Variants in PSMD8 observed in about 807,000 individuals in gnomAD.
PSMD8 encodes 26S proteasome non-ATPase regulatory subunit 8.
PSMD8 carries 30 observed loss-of-function variants against 40.0 expected under a neutral mutation model. That is an observed-to-expected ratio of 0.75 (90% CI 0.56 to 1.02). The LOEUF is 1.02. PSMD8 is among the 50% of genes least tolerant of loss of function. The pLI, the probability that PSMD8 is intolerant of heterozygous loss-of-function variation, is 0.00. For missense variants in PSMD8, 461 were observed against 463.9 expected (o/e 0.99, Z 0.06); for synonymous variants, 208 against 192.5 (o/e 1.08, Z -0.67).
intron 1 of PSMD8, chr19:38,375,567 T>G: frequency 5.8e-6 from 1 of 173,018 alleles, no homozygotes; most frequent in Non-Finnish European, 1.3e-5. Context: ...CTGAGAGATC[T>G]GGGGCTTAGG....
chr19:38,380,479 T>C (rs1195610981), intron 4 of PSMD8, among the ~76,000 whole-genome samples: 1 of 151,974 alleles, frequency 6.6e-6, no homozygotes, highest in Non-Finnish European at 1.5e-5. Context: ...TGACATCTTA[T>C]GGGAGGATTT....
At chr19:38,376,011 T>C in intron 1 of PSMD8, 149 bp from the exon 2 acceptor site, 1 of 758,396 alleles carries the variant, frequency 1.3e-6, no homozygotes, top group Non-Finnish European at 2.2e-6. Context: ...CAGGCCCTGT[T>C]CTGAGTGCTT....
At chr19:38,380,420 G>A (rs73635735) in intron 4 of PSMD8, among the ~76,000 whole-genome samples, 13,237 of 152,202 alleles carry the variant, frequency 0.087, 1,891 homozygotes, top group African/African-American at 0.3. Flanking sequence ...AAGTGAGCAG[G>A]GCCAGGGCAA....
chr19:38,377,652 A>C (rs778109818), intron 3 of PSMD8, among the ~76,000 whole-genome samples: 1 of 151,514 alleles, frequency 6.6e-6, no homozygotes, highest in Non-Finnish European at 1.5e-5. Context: ...ATGCGCCACC[A>C]CGCCCTGCTA....
intron 3 of PSMD8, among the ~76,000 whole-genome samples, chr19:38,377,239 AGTGCAGTG>A (rs1256136993): frequency 6.6e-6 from 1 of 151,714 alleles, no homozygotes; most frequent in Non-Finnish European, 1.5e-5. Flanking sequence ...CCCAGGCTGG[AGTGCAGTG>A]GTGCAGTCAT....
At chr19:38,382,533 C>T in intron 6 of PSMD8, 1 of 559,012 alleles carries the variant, frequency 1.8e-6, no homozygotes. Flanking sequence ...TTCATTTGGT[C>T]TCAGGCGTTT....
intron 1 of PSMD8, 117 bp from the exon 2 acceptor site, chr19:38,376,043 A>C: frequency 1.0e-6 from 1 of 1,000,308 alleles, no homozygotes; most frequent in East Asian, 2.6e-5. Context: ...ATTCCTCATG[A>C]GTCTGGATGA....
At chr19:38,381,856 T>C (rs1166032287) in intron 5 of PSMD8, among the ~76,000 whole-genome samples, 2 of 152,162 alleles carry the variant, frequency 1.3e-5, no homozygotes, top group African/African-American at 4.8e-5. Context: ...AGACCTGAAA[T>C]CCTGTGGCTG....
At chr19:38,377,103 C>CA (rs146792483) in intron 3 of PSMD8, among the ~76,000 whole-genome samples, 3,271 of 152,364 alleles carry the variant, frequency 0.021, 48 homozygotes, top group South Asian at 0.045. Context: ...GGCTTTGAAA[C>CA]ATCCAGCCGC....
At chr19:38,382,787 T>C (rs997318245) in intron 6 of PSMD8, 4 of 175,768 alleles carry the variant, frequency 2.3e-5, no homozygotes, top group Non-Finnish European at 4.8e-5. Flanking sequence ...GGCGGGTGCC[T>C]GTAATCTCAG....
chr19:38,382,553 C>T, intron 6 of PSMD8: 1 of 541,486 alleles, frequency 1.8e-6, no homozygotes, highest in Non-Finnish European at 3.3e-6. Flanking sequence ...TGAGCACGAG[C>T]AACGCTTGGT....
intron 6 of PSMD8, chr19:38,382,915 A>G (rs1351027830): frequency 3.1e-4 from 40 of 128,154 alleles, no homozygotes; most frequent in Middle Eastern, 3.6e-3. Flanking sequence ...CTGTCTGGGG[A>G]AAAAAAAAAA....
chr19:38,374,938 G>A lies in PSMD8; in HGVS notation c.337G>A (p.Gly113Arg). Residue 113 changes from glycine (G) to arginine (R), a missense_variant, in exon 1 of 7, where the codon GGG (glycine) becomes AGG (arginine). Physicochemically the swap from Gly to Arg is moderately radical, Grantham distance 125. This residue lies in a region of PSMD8 where 236 missense variants were observed against 321.2 expected (regional missense o/e 0.73). Transcript: ENST00000215071. ...NRKSPNLSKC[G>R]EELGRLKLVL... is the part of the protein sequence containing the mutation. ...TAAAAGCCCCAATCTTAGCAAGTGC[G>A]GGGAAGAGCTGGGTCGACTCAAGGT... The A allele has an allele frequency of 1.3e-6, 2 of 1,574,954 alleles. No homozygotes were observed. The highest frequency in any genetic ancestry group is 1.7e-6 in the Non-Finnish European group (2 of 1,168,916).
At chr19:38,374,982 AAACCGAGTGTT>A in intron 1 of PSMD8, 21 bp downstream of exon 1, 1 of 1,543,578 alleles carries the variant, frequency 6.5e-7, no homozygotes, top group East Asian at 2.4e-5. Context: ...CAGGCCCAGG[AAACCGAGTGTT>A]GCGGGCGTGG....
rs758410754 is a variant in PSMD8, at chr19:38,374,819, C to T, written c.218C>T (p.Ala73Val). ...KMAAAAVNGA[A>V]GFSSSGPAAT... is the part of the protein sequence containing the mutation. Reference sequence around the variant, plus strand: ...GCGGCCGCGGCGGTGAACGGGGCGGCAGGCTTCTCGAGCTCCGGGCCCGCG... The same window carrying T: ...GCGGCCGCGGCGGTGAACGGGGCGGTAGGCTTCTCGAGCTCCGGGCCCGCG... Residue 73 changes from alanine to valine, a missense_variant, in exon 1 of 7, where the codon GCA (alanine) becomes GTA (valine). This residue lies in a region of PSMD8 where 225 missense variants were observed against 142.7 expected (regional missense o/e 1.58). Transcript: ENST00000215071. The T allele has an allele frequency of 2.5e-4, 389 of 1,574,168 alleles. No homozygotes were observed. The highest frequency in any genetic ancestry group is 3.2e-4 in the Non-Finnish European group (369 of 1,167,164).
In PSMD8 at chr19:38,379,411, A is replaced by G. The variant is rs1290776618; in HGVS notation, c.702+6A>G. ...ACCCAGTGTCCCTGGAGCAAGTGAG[A>G]TGGCAAGGGGCAGGGGAGGACCTGG... On this transcript the variant is annotated splice_donor_region_variant and intron_variant, in intron 4 of 6. Transcript: ENST00000215071. 3 of 1,613,854 alleles carry G rather than the reference A, an allele frequency of 1.9e-6. No individual in the cohort carries two copies. The highest frequency in any genetic ancestry group is 2.5e-6 in the Non-Finnish European group (3 of 1,179,832).
chr19:38,380,660 G>C (rs1315086122), intron 4 of PSMD8, among the ~76,000 whole-genome samples: 8 of 150,976 alleles, frequency 5.3e-5, no homozygotes, highest in East Asian at 2.0e-4. Flanking sequence ...AGCAGGCTTG[G>C]GGGGAGGGAG....
intron 6 of PSMD8, chr19:38,382,883 G>C (rs926879120): frequency 9.1e-6 from 2 of 219,126 alleles, no homozygotes; most frequent in East Asian, 2.0e-4. Flanking sequence ...TTGCACTCCA[G>C]CCTGGGTGAC....
In PSMD8 at chr19:38,379,152, G is replaced by A. The variant is rs1201508527; in HGVS notation, c.537-88G>A. The A allele has an allele frequency of 3.7e-6, 5 of 1,337,012 alleles. No homozygotes were observed. The East Asian group carries it at 1.2e-4, about 33-fold the overall frequency. 82.8% of individuals were successfully genotyped at this position (1,337,012 alleles called of 1,614,324 possible). On this transcript the variant is annotated intron_variant, in intron 3 of 6. Coordinates refer to ENST00000215071, the MANE Select transcript of PSMD8 (RefSeq NM_002812.5). Reference sequence around the variant, plus strand: ...ATACCTCTTCAGGAAGATGCATGGGGCGTTGTGAGGATTCCTGGAGCCTGG... The same window carrying A: ...ATACCTCTTCAGGAAGATGCATGGGACGTTGTGAGGATTCCTGGAGCCTGG...
Sources: allele counts gnomAD v4.1 joint callset (sites outside exome capture counted in the v4.1 genomes callset), GRCh38; gene constraint gnomAD v4.1.1; regional missense constraint gnomAD v4.1.1; transcripts MANE v1.5; gene names NCBI Gene and HGNC (gene_info 2026-07-23, HGNC 2026-07-21).